Variants in KCNIP4 observed in about 807,000 individuals in gnomAD.
KCNIP4 encodes potassium voltage-gated channel interacting protein 4.
Under a neutral mutation model 34.0 loss-of-function variants are expected in KCNIP4, and 12 were observed. The observed-to-expected ratio is 0.35, with a 90% CI of 0.23 to 0.57. The LOEUF (loss-of-function observed/expected upper bound fraction) is 0.57, where lower values mean the gene tolerates loss of function less well. KCNIP4 is among the 20% of genes least tolerant of loss of function. The probability of loss-of-function intolerance (pLI) is 0.83; values close to 1 mark genes in which losing one functional copy is unlikely to be tolerated. For missense variants in KCNIP4, 238 were observed against 311.7 expected, an observed-to-expected ratio of 0.76 and a Z score of 1.78; for synonymous variants, 124 against 102.2, an observed-to-expected ratio of 1.21 and a Z score of -1.29.
At chr4:21,758,008 A>G (rs1269075640) in intron 1 of KCNIP4, among the ~76,000 whole-genome samples, 3 of 152,194 alleles carry the variant, frequency 2.0e-5, no homozygotes, top group Non-Finnish European at 4.4e-5. Flanking sequence ...CAAAATGGGT[A>G]TGACAATAAG....
intron 1 of KCNIP4, among the ~76,000 whole-genome samples, chr4:21,918,819 A>G (rs543400202): frequency 1.3e-5 from 2 of 152,280 alleles, no homozygotes; most frequent in South Asian, 2.1e-4. Flanking sequence ...CTGGAAGCCT[A>G]TTAAGTATGT....
intron 1 of KCNIP4, among the ~76,000 whole-genome samples, chr4:21,504,465 C>CAAAAAAAAAAAA (rs376644707): frequency 0.051 from 2,811 of 55,264 alleles, 246 homozygotes; most frequent in East Asian, 0.14. Context: ...GACTCCAACT[C>CAAAAAAAAAAAA]AAAAAAAAAA....
rs537654681 is a variant in KCNIP4 at position 20,815,609 on chromosome 4, G to A, written c.288+34934C>T. Among the ~76,000 whole-genome samples, 237 of 152,232 alleles carry A rather than the reference G, an allele frequency of 1.6e-3. 1 individual carries two copies. Among genetic ancestry groups the A allele is most frequent in the Middle Eastern group, 3.4e-3 (1 of 294 alleles). ...CTGGCAGCGATCTGGAAACCTACCT[G>A]TTACATTAATCAAAACATCTTACTG... On this transcript the variant is annotated intron_variant, in intron 3 of 8. Transcript: ENST00000382152.
chr4:21,521,505 C>A (rs1256712526), intron 1 of KCNIP4, among the ~76,000 whole-genome samples: 1 of 152,184 alleles, frequency 6.6e-6, no homozygotes, highest in East Asian at 1.9e-4. Context: ...AAACTGAATT[C>A]ATCCTGTTCC....
chr4:21,059,924 C>T (rs1221214680), intron 1 of KCNIP4, among the ~76,000 whole-genome samples: 1 of 152,020 alleles, frequency 6.6e-6, no homozygotes, highest in Non-Finnish European at 1.5e-5. Flanking sequence ...GAAAAACTCA[C>T]ATTTTTGCCT....
At chr4:21,650,036 T>C (rs1747355214) in intron 1 of KCNIP4, among the ~76,000 whole-genome samples, 1 of 152,212 alleles carries the variant, frequency 6.6e-6, no homozygotes, top group African/African-American at 2.4e-5. Context: ...GATCCTACTA[T>C]GTTTTAACCC....
chr4:21,517,186 G>C (rs1734836059), intron 1 of KCNIP4, among the ~76,000 whole-genome samples: 1 of 152,122 alleles, frequency 6.6e-6, no homozygotes, highest in Admixed American at 6.5e-5. Flanking sequence ...CCACAGTGAA[G>C]CTGAATATAC....
At chr4:20,890,062 A>G (rs766998527) in intron 1 of KCNIP4, among the ~76,000 whole-genome samples, 2 of 152,158 alleles carry the variant, frequency 1.3e-5, no homozygotes, top group African/African-American at 2.4e-5. Context: ...TATAATACCT[A>G]TGACATTGCA....
intron 1 of KCNIP4, among the ~76,000 whole-genome samples, chr4:21,699,348 A>AG (rs371969417): frequency 1.9e-4 from 29 of 152,358 alleles, no homozygotes; most frequent in African/African-American, 6.7e-4. Context: ...TAACTGAGAA[A>AG]GGCAAAGCCT....
chr4:21,377,380 T>C (rs184318264), intron 1 of KCNIP4, among the ~76,000 whole-genome samples: 1 of 152,280 alleles, frequency 6.6e-6, no homozygotes, highest in East Asian at 1.9e-4. Context: ...CTAAGACAAA[T>C]AAATGGTGAT....
At chr4:21,281,016 A>G (rs1469014719) in intron 1 of KCNIP4, among the ~76,000 whole-genome samples, 5 of 152,128 alleles carry the variant, frequency 3.3e-5, no homozygotes, top group African/African-American at 1.2e-4. Context: ...CCTCAATTCT[A>G]TAAGATACGC....
At chr4:21,385,287 A>C (rs1402913688) in intron 1 of KCNIP4, among the ~76,000 whole-genome samples, 2 of 152,192 alleles carry the variant, frequency 1.3e-5, no homozygotes, top group Non-Finnish European at 2.9e-5. Flanking sequence ...TGGGTGATTT[A>C]AGTAGGAGTC....
Position 20,729,889 on chromosome 4 carries a change from ATTATGAAAAGGATGCAAATTTAT to A in KCNIP4, c.*170_*192del. The A allele has an allele frequency of 1.9e-6, 1 of 518,206 alleles. No individual in the cohort carries two copies. The highest frequency in any genetic ancestry group is 5.2e-4 in the Middle Eastern group (1 of 1,906). 32.1% of individuals were successfully genotyped at this position (518,206 alleles called of 1,614,324 possible). A position where few individuals can be genotyped will look rare whatever the true frequency, so the allele number is the denominator to read the frequency against. On this transcript the variant is annotated 3_prime_UTR_variant, in exon 9 of 9. Transcript: ENST00000382152. Reference sequence around the variant, plus strand: ...TAGACCATCCCCTGAACTCAGTGGCATTATGAAAAGGATGCAAATTTATAACTGAAAGCTCAAATCTTTTGGGG... The same window carrying A: ...TAGACCATCCCCTGAACTCAGTGGCAAACTGAAAGCTCAAATCTTTTGGGG...
intron 1 of KCNIP4, among the ~76,000 whole-genome samples, chr4:21,636,301 GAA>G (rs555744187): frequency 7.2e-6 from 1 of 138,162 alleles, no homozygotes; most frequent in African/African-American, 2.6e-5. Flanking sequence ...AAAAAAAAAG[GAA>G]AAAAAAAAAA....
At chr4:21,036,621 G>A (rs923774454) in intron 1 of KCNIP4, among the ~76,000 whole-genome samples, 1 of 152,200 alleles carries the variant, frequency 6.6e-6, no homozygotes, top group Non-Finnish European at 1.5e-5. Flanking sequence ...AGCTACTTGG[G>A]AGGCTGAGGC....
chr4:21,356,362 A>T (rs781181769), intron 1 of KCNIP4, among the ~76,000 whole-genome samples: 1 of 152,170 alleles, frequency 6.6e-6, no homozygotes, highest in African/African-American at 2.4e-5. Context: ...AATTAGGAAA[A>T]GAGGAAGTCA....
chr4:21,523,614 C>T (rs1252849171), intron 1 of KCNIP4, among the ~76,000 whole-genome samples: 2 of 151,898 alleles, frequency 1.3e-5, no homozygotes, highest in African/African-American at 4.8e-5. Context: ...CTCTATCACC[C>T]AGGTTGGAGT....
At chr4:21,421,096 C>T (rs1361664044) in intron 1 of KCNIP4, among the ~76,000 whole-genome samples, 1 of 152,152 alleles carries the variant, frequency 6.6e-6, no homozygotes, top group Non-Finnish European at 1.5e-5. Flanking sequence ...TATCACTTCA[C>T]ACCTGTTAAA....
chr4:21,206,198 G>A (rs73109434), intron 1 of KCNIP4, among the ~76,000 whole-genome samples: 2 of 152,146 alleles, frequency 1.3e-5, no homozygotes, highest in East Asian at 1.9e-4. Flanking sequence ...GTAAAGAATG[G>A]AGACTCTTTG....
Sources: gnomAD v4.1 joint callset for allele counts (sites outside exome capture counted in the v4.1 genomes callset) on GRCh38, gnomAD v4.1.1 for gene constraint, MANE v1.5 for transcripts, NCBI Gene and HGNC (gene_info 2026-07-23, HGNC 2026-07-21) for gene names.